The following MTREX variants were observed in gnomAD, a reference collection of about 807,000 sequenced individuals.
MTREX encodes Mtr4 exosome RNA helicase.
Under a neutral mutation model 135.4 loss-of-function variants are expected in MTREX, and 76 were observed. The ratio of observed to expected loss-of-function variants is 0.56; its 90% confidence interval spans 0.47 to 0.68. MTREX has a LOEUF of 0.68. Among genes scored for constraint, MTREX ranks in the 30% least tolerant of loss-of-function variants. The probability of loss-of-function intolerance (pLI) is 0.00; values close to 1 mark genes in which losing one functional copy is unlikely to be tolerated. For synonymous variants in MTREX, 404 were observed against 401.6 expected (o/e 1.01, Z -0.07); for missense variants, 920 against 1,262.1 (o/e 0.73, Z 4.11).
At chr5:55,400,180 G>A (rs1750702278) in intron 20 of MTREX, 53 bp from the exon 21 acceptor site, 1 of 1,357,132 alleles carries the variant, frequency 7.4e-7, no homozygotes, top group Non-Finnish European at 1.0e-6. Context: ...ATTTGGTTTG[G>A]TCTTACTAAT....
intron 5 of MTREX, 34 bp downstream of exon 5, chr5:55,328,845 C>G: frequency 1.5e-6 from 2 of 1,351,070 alleles, no homozygotes; most frequent in Non-Finnish European, 2.1e-6. Flanking sequence ...CACTTTGTTT[C>G]TTATTTCACT....
intron 16 of MTREX, among the ~76,000 whole-genome samples, chr5:55,373,693 C>T (rs944325993): frequency 2.0e-5 from 3 of 151,474 alleles, no homozygotes; most frequent in African/African-American, 7.3e-5. Flanking sequence ...TTTTGGAGGC[C>T]CTAACTGGTG....
intron 13 of MTREX, among the ~76,000 whole-genome samples, chr5:55,352,197 A>C (rs976032510): frequency 9.2e-5 from 14 of 152,178 alleles, no homozygotes; most frequent in Middle Eastern, 3.4e-3. Flanking sequence ...TATGTTTAAA[A>C]ATTATTAGAA....
intron 6 of MTREX, 91 bp from the exon 7 acceptor site, chr5:55,341,590 C>T (rs1189774583): frequency 5.3e-6 from 3 of 570,386 alleles, no homozygotes; most frequent in East Asian, 3.0e-5. Flanking sequence ...AAAGAATATC[C>T]AAAATTCCTT....
chr5:55,386,270 A>T (rs1437557403), intron 18 of MTREX, among the ~76,000 whole-genome samples: 1 of 152,234 alleles, frequency 6.6e-6, no homozygotes, highest in African/African-American at 2.4e-5. Flanking sequence ...TTATAGCAAG[A>T]AATTAGCCAC....
At chr5:55,398,822 C>A (rs968333992) in intron 20 of MTREX, among the ~76,000 whole-genome samples, 3 of 152,154 alleles carry the variant, frequency 2.0e-5, no homozygotes, top group African/African-American at 7.2e-5. Context: ...ACATTAATTT[C>A]ATGATAATCT....
In MTREX at chr5:55,424,927, A is replaced by G; in HGVS notation, c.*155A>G. 1 of 635,946 alleles carries G rather than the reference A, an allele frequency of 1.6e-6. No homozygotes were observed. Among genetic ancestry groups the G allele is most frequent in the Non-Finnish European group, 2.7e-6 (1 of 370,004 alleles). The allele number at this position is 635,946 out of a possible 1,614,324, so 39.4% of individuals were successfully genotyped here. A position where few individuals can be genotyped will look rare whatever the true frequency, so the allele number is the denominator to read the frequency against. On this transcript the variant is annotated 3_prime_UTR_variant, in exon 27 of 27. Coordinates refer to ENST00000230640, the MANE Select transcript of MTREX (RefSeq NM_015360.5). ...CATTCATAGAAAGCATATTACATAC[A>G]TGTTTATACATAAGCATTACATTTT...
rs1340627242 is a variant in MTREX at position 55,402,838 on chromosome 5, GTGTATGTGTATGTA to G, written c.2481+2421_2481+2434del. Reference sequence around the variant, plus strand: ...GCACATTATATGTGTGTGTGTGTGTGTGTATGTGTATGTATGTGTGTGTGTGTGTGTGTGTATAT... The same window carrying G: ...GCACATTATATGTGTGTGTGTGTGTGTGTGTGTGTGTGTGTGTGTGTATAT... On this transcript the variant is annotated intron_variant, in intron 21 of 26. Transcript: ENST00000230640. Among the ~76,000 whole-genome samples, 191 of 88,352 alleles carry G rather than the reference GTGTATGTGTATGTA, an allele frequency of 2.2e-3. 1 individual carries two copies. The highest frequency in any genetic ancestry group is 7.8e-3 in the African/African-American group (177 of 22,704). 58.0% of individuals were successfully genotyped at this position (88,352 alleles called of 152,430 possible). A position where few individuals can be genotyped will look rare whatever the true frequency, so the allele number is the denominator to read the frequency against.
chr5:55,308,508 G>A (rs1395178080), intron 1 of MTREX, among the ~76,000 whole-genome samples: 1 of 152,118 alleles, frequency 6.6e-6, no homozygotes, highest in Non-Finnish European at 1.5e-5. Flanking sequence ...TAGAAAAAAT[G>A]ATATGAATTG....
At chr5:55,319,613 G>A (rs1749254725) in intron 1 of MTREX, among the ~76,000 whole-genome samples, 1 of 152,198 alleles carries the variant, frequency 6.6e-6, no homozygotes, top group South Asian at 2.1e-4. Flanking sequence ...AACATTCTCA[G>A]ATGGTTTCAA....
intron 19 of MTREX, among the ~76,000 whole-genome samples, chr5:55,394,521 C>T (rs1213729400): frequency 6.6e-6 from 1 of 152,152 alleles, no homozygotes; most frequent in African/African-American, 2.4e-5. Flanking sequence ...CTTAGATTCT[C>T]ATAACGACCA....
rs1050252639 is a variant in MTREX at position 55,379,325 on chromosome 5, A to G, written c.2052+130A>G. 4 of 569,578 alleles carry G rather than the reference A, an allele frequency of 7.0e-6. No individual in the cohort carries two copies. In the Admixed American group the frequency reaches 9.5e-5, roughly 14 times the overall value. 35.3% of individuals were successfully genotyped at this position (569,578 alleles called of 1,614,324 possible). On this transcript the variant is annotated intron_variant, in intron 18 of 26. Coordinates refer to ENST00000230640, the MANE Select transcript of MTREX (RefSeq NM_015360.5). ...GCAGTAATAAATTCTGCCATGAGGAATTAATTTTTGGAATACACCCGGCTA... is the reference window on the plus strand; with the variant it reads ...GCAGTAATAAATTCTGCCATGAGGAGTTAATTTTTGGAATACACCCGGCTA...
intron 3 of MTREX, among the ~76,000 whole-genome samples, chr5:55,325,349 T>G (rs1298493835): frequency 6.6e-6 from 1 of 150,460 alleles, no homozygotes; most frequent in Non-Finnish European, 1.5e-5. Flanking sequence ...GTTTTTTTTT[T>G]TTTTAAGAGT....
At chr5:55,405,207 T>G (rs1425681933) in intron 21 of MTREX, 9 of 401,022 alleles carry the variant, frequency 2.2e-5, no homozygotes, top group Admixed American at 3.9e-5. Flanking sequence ...TAGGTAGTAT[T>G]TAATAACTTT....
chr5:55,365,624 C>T (rs565243698), intron 15 of MTREX, among the ~76,000 whole-genome samples: 1 of 152,234 alleles, frequency 6.6e-6, no homozygotes, highest in East Asian at 1.9e-4. Context: ...CTACATGTAT[C>T]GTCCGAGAAT....
At chr5:55,310,371 G>A (rs899838801) in intron 1 of MTREX, among the ~76,000 whole-genome samples, 7 of 152,200 alleles carry the variant, frequency 4.6e-5, no homozygotes, top group Non-Finnish European at 8.8e-5. Context: ...ACTTTGGGAG[G>A]CGGAGGCTGG....
At chr5:55,314,349 C>A (rs761001441) in intron 1 of MTREX, among the ~76,000 whole-genome samples, 3 of 152,188 alleles carry the variant, frequency 2.0e-5, no homozygotes, top group Non-Finnish European at 4.4e-5. Context: ...GAGAAAGTTG[C>A]AGATGGAGTT....
Position 55,343,469 on chromosome 5 carries a change from C to CT in MTREX, c.906+20dup. 2 of 1,607,908 alleles carry CT rather than the reference C, an allele frequency of 1.2e-6. No homozygotes were observed. Among genetic ancestry groups the CT allele is most frequent in the Non-Finnish European group, 8.5e-7 (1 of 1,176,616 alleles). Reference sequence around the variant, plus strand: ...TTACATAAACAGGTATTTTTTCCTCCTTTTTTGATGTCTTCAATATTCAAA... The same window carrying CT: ...TTACATAAACAGGTATTTTTTCCTCCTTTTTTTGATGTCTTCAATATTCAAA... On this transcript the variant is annotated intron_variant, in intron 8 of 26. Coordinates refer to ENST00000230640, the MANE Select transcript of MTREX (RefSeq NM_015360.5).
rs1311754522 is a variant in MTREX, at chr5:55,425,066, A to C, written c.*294A>C. On this transcript the variant is annotated 3_prime_UTR_variant, in exon 27 of 27. Coordinates refer to ENST00000230640, the MANE Select transcript of MTREX (RefSeq NM_015360.5). Reference sequence around the variant, plus strand: ...AGTTAAAGGTAACTATGTACACACAAAGTGTGCATCCAAGAGGCATAGCAG... The same window carrying C: ...AGTTAAAGGTAACTATGTACACACACAGTGTGCATCCAAGAGGCATAGCAG... 4.4e-6 allele frequency: 5 copies of C among 1,144,208 alleles called. No homozygotes were observed. Among genetic ancestry groups the C allele is most frequent in the Non-Finnish European group, 6.2e-6 (5 of 807,896 alleles). The allele number at this position is 1,144,208 out of a possible 1,614,324, so 70.9% of individuals were successfully genotyped here. A position where few individuals can be genotyped will look rare whatever the true frequency, so the allele number is the denominator to read the frequency against.
Sources: gnomAD v4.1 joint callset for allele counts (sites outside exome capture counted in the v4.1 genomes callset) on GRCh38, gnomAD v4.1.1 for gene constraint, MANE v1.5 for transcripts, NCBI Gene and HGNC (gene_info 2026-07-23, HGNC 2026-07-21) for gene names.